Variants in TCF20 observed in about 807,000 individuals in gnomAD.
TCF20 encodes the protein SPRE-binding protein.
A neutral mutation model predicts 148.6 loss-of-function variants in TCF20; 3 were observed. The ratio of observed to expected loss-of-function variants is 0.02; its 90% CI spans 0.01 to 0.05. The LOEUF (loss-of-function observed/expected upper bound fraction) is 0.05. TCF20 is among the 10% of genes least tolerant of loss of function. The probability of loss-of-function intolerance (pLI) is 1.00; values close to 1 mark genes in which losing one functional copy is unlikely to be tolerated. For missense variants in TCF20, 2,350 were observed against 2,429.3 expected, an observed-to-expected ratio of 0.97 and a Z score of 0.69; for synonymous variants, 1,049 against 909.5, an observed-to-expected ratio of 1.15 and a Z score of -2.76.
At chr22:42,165,909 C>A (rs372160579) in intron 5 of TCF20, among the ~76,000 whole-genome samples, 3 of 152,220 alleles carry the variant, frequency 2.0e-5, no homozygotes, top group African/African-American at 4.8e-5. Context: ...CAGAACATGG[C>A]GCACTAGGAG....
chr22:42,237,092 CCTTTT>C (rs1228806105), intron 1 of TCF20, among the ~76,000 whole-genome samples: 1 of 152,108 alleles, frequency 6.6e-6, no homozygotes, highest in Non-Finnish European at 1.5e-5. Flanking sequence ...ACTGGCTCTT[CCTTTT>C]CTAAGAGATT....
chr22:42,218,050 A>C (rs578130173), intron 1 of TCF20, among the ~76,000 whole-genome samples: 2 of 152,346 alleles, frequency 1.3e-5, no homozygotes, highest in South Asian at 4.1e-4. Flanking sequence ...GTTCCAGTGA[A>C]TCTGCAGGGC....
intron 1 of TCF20, among the ~76,000 whole-genome samples, chr22:42,339,910 A>T (rs549411687): frequency 5.3e-5 from 8 of 152,188 alleles, no homozygotes; most frequent in Non-Finnish European, 8.8e-5. Context: ...TGCACGAAAG[A>T]GTTTTAGGGT....
At chr22:42,313,404 C>T (rs1253934149) in intron 1 of TCF20, among the ~76,000 whole-genome samples, 2 of 152,134 alleles carry the variant, frequency 1.3e-5, no homozygotes, top group African/African-American at 2.4e-5. Context: ...CAGAGCCCTG[C>T]CCGCTGCACT....
chr22:42,168,711 G>A lies in TCF20; in HGVS notation c.5825C>T (p.Pro1942Leu), dbSNP rs144341537. The change falls in exon 5 of 6, where the codon CCC becomes CTC. Residue 1942 changes from proline to leucine, a missense_variant. By Grantham distance (98) the Pro-to-Leu change is moderately conservative. Around this residue, in one of 7 missense-constraint regions of TCF20, gnomAD observed 67 missense variants for 60.8 expected, o/e 1.10. Transcript: ENST00000677622. ...GCCTTTCGCGGTCTTGTTCTGCAAG[G>A]GGGGGAGAGGGCACGGAAGGGGAGG... is the stretch of plus-strand genomic sequence containing the variant. ...HKPPLPCPLP[P>L]LQNKTAKGSL... 23 of 1,611,336 alleles carry A rather than the reference G, an allele frequency of 1.4e-5. No homozygotes were observed. In the East Asian group the frequency reaches 3.3e-4, roughly 23 times the overall value.
intron 1 of TCF20, among the ~76,000 whole-genome samples, chr22:42,341,989 TG>T (rs1928176575): frequency 6.6e-6 from 1 of 151,380 alleles, no homozygotes; most frequent in Non-Finnish European, 1.5e-5. Context: ...AGGGGATGTG[TG>T]GGGAAGAGAC....
intron 1 of TCF20, among the ~76,000 whole-genome samples, chr22:42,255,803 C>G (rs1474714145): frequency 6.6e-6 from 1 of 152,128 alleles, no homozygotes; most frequent in Non-Finnish European, 1.5e-5. Context: ...ACGCCCCCAA[C>G]CATGTATTCA....
chr22:42,326,708 C>T (rs1288405640), intron 1 of TCF20, among the ~76,000 whole-genome samples: 2 of 152,214 alleles, frequency 1.3e-5, no homozygotes, highest in Non-Finnish European at 2.9e-5. Context: ...TCTGTAAAAC[C>T]ATAACTGTAG....
At chr22:42,254,263 C>G (rs1208080474) in intron 1 of TCF20, among the ~76,000 whole-genome samples, 1 of 152,198 alleles carries the variant, frequency 6.6e-6, no homozygotes, top group Non-Finnish European at 1.5e-5. Context: ...ACACAGCAGA[C>G]TATTCTCCCA....
At position 42,211,348 on chromosome 22, in the gene TCF20, G is replaced by C. The variant is rs774708444; in HGVS notation, c.3958C>G (p.Leu1320Val). The C allele has an allele frequency of 1.2e-6, 2 of 1,614,188 alleles. No individual in the cohort carries two copies. Among genetic ancestry groups the C allele is most frequent in the Non-Finnish European group, 1.7e-6 (2 of 1,180,030 alleles). Residue 1320 changes from leucine (L) to valine (V), a missense_variant, in exon 2 of 6, where the codon CTT becomes GTT. Leu to Val is a conservative substitution (Grantham distance 32, BLOSUM62 1). This residue lies in a region of TCF20 where 1,641 missense variants were observed against 1,662.6 expected (regional missense o/e 0.99). Coordinates refer to ENST00000677622, the MANE Select transcript of TCF20 (RefSeq NM_001378418.1). The part of the protein sequence containing the change: ...SIPKRDSSKD[L>V]PSPDSRNCPA... The stretch of plus-strand genomic sequence containing the variant: ...CAGTTTCTACTATCTGGACTTGGAA[G>C]GTCCTTGGAGGAATCTCTCTTAGGG...
At chr22:42,175,677 G>A (rs1936406207) in intron 3 of TCF20, among the ~76,000 whole-genome samples, 1 of 152,170 alleles carries the variant, frequency 6.6e-6, no homozygotes, top group Admixed American at 6.5e-5. Context: ...TTTAACAGCT[G>A]TACTACAGAA....
intron 1 of TCF20, among the ~76,000 whole-genome samples, chr22:42,253,503 C>T (rs5758684): frequency 0.18 from 27,085 of 152,094 alleles, 2,667 homozygotes; most frequent in East Asian, 0.34. Context: ...AATTAGATGT[C>T]AATTCCAATT....
chr22:42,245,330 C>G (rs188432870), intron 1 of TCF20, among the ~76,000 whole-genome samples: 1 of 152,216 alleles, frequency 6.6e-6, no homozygotes, highest in East Asian at 1.9e-4. Context: ...GTGATCCTCC[C>G]ACCTAGCATC....
chr22:42,192,070 A>G (rs1937361818), intron 2 of TCF20, among the ~76,000 whole-genome samples: 1 of 152,158 alleles, frequency 6.6e-6, no homozygotes, highest in African/African-American at 2.4e-5. Context: ...TGAATCTAAA[A>G]AGGCATCTTT....
At chr22:42,200,885 T>C (rs1164070501) in intron 2 of TCF20, among the ~76,000 whole-genome samples, 1 of 152,176 alleles carries the variant, frequency 6.6e-6, no homozygotes. Flanking sequence ...ACTAATGGTT[T>C]TGCACTGCCC....
chr22:42,310,570 G>A (rs1388513491), intron 1 of TCF20, among the ~76,000 whole-genome samples: 8 of 152,304 alleles, frequency 5.3e-5, no homozygotes, highest in East Asian at 3.9e-4. Context: ...AACTTTCCAG[G>A]CAGAGCCCTG....
chr22:42,163,337 C>G (rs1453409393), intron 5 of TCF20, among the ~76,000 whole-genome samples: 1 of 152,232 alleles, frequency 6.6e-6, no homozygotes, highest in African/African-American at 2.4e-5. Flanking sequence ...CAGCCTGGGG[C>G]TCTGCCCTCT....
intron 2 of TCF20, among the ~76,000 whole-genome samples, chr22:42,208,644 A>G (rs1321502306): frequency 6.6e-6 from 1 of 152,172 alleles, no homozygotes; most frequent in African/African-American, 2.4e-5. Context: ...AAAAGATTAG[A>G]TGATAAAGCT....
chr22:42,262,357 G>C (rs1352701418), intron 1 of TCF20, among the ~76,000 whole-genome samples: 1 of 152,150 alleles, frequency 6.6e-6, no homozygotes, highest in African/African-American at 2.4e-5. Context: ...CTTGATGATA[G>C]ATTTAGAGGT....
Sources: allele counts gnomAD v4.1 joint callset (sites outside exome capture counted in the v4.1 genomes callset), GRCh38; gene constraint gnomAD v4.1.1; regional missense constraint gnomAD v4.1.1; transcripts MANE v1.5; gene names NCBI Gene and HGNC (gene_info 2026-07-23, HGNC 2026-07-21).